Variants in SLC7A14 observed in about 807,000 individuals in gnomAD.
SLC7A14 encodes gamma-aminobutyric acid transporter SLC7A14.
SLC7A14 carries 37 observed loss-of-function variants against 60.2 expected under a neutral mutation model. The ratio of observed to expected loss-of-function variants is 0.61; its 90% CI spans 0.47 to 0.81. SLC7A14 has a LOEUF of 0.81. SLC7A14 is among the 30% of genes least tolerant of loss of function. The probability of loss-of-function intolerance (pLI) is 0.00; values close to 1 mark genes in which losing one functional copy is unlikely to be tolerated. For synonymous variants in SLC7A14, 399 were observed against 395.8 expected (o/e 1.01, Z -0.10); for missense variants, 886 against 982.7 (o/e 0.90, Z 1.32).
intron 7 of SLC7A14, among the ~76,000 whole-genome samples, chr3:170,472,547 C>T (rs971364074): frequency 1.3e-5 from 2 of 151,838 alleles, no homozygotes; most frequent in African/African-American, 4.8e-5. Flanking sequence ...GGGTGGATCA[C>T]GAGGTCAGGA....
chr3:170,539,898 A>G (rs766374186), intron 1 of SLC7A14, among the ~76,000 whole-genome samples: 4 of 152,214 alleles, frequency 2.6e-5, no homozygotes, highest in Non-Finnish European at 4.4e-5. Flanking sequence ...AACAACAATA[A>G]CTAATATTAA....
chr3:170,500,726 C>A (rs1393949485), intron 3 of SLC7A14, among the ~76,000 whole-genome samples: 1 of 152,010 alleles, frequency 6.6e-6, no homozygotes, highest in African/African-American at 2.4e-5. Context: ...TGGTTTGTAG[C>A]CTTTGACGTA....
At chr3:170,578,259 T>G (rs557359213) in intron 1 of SLC7A14, among the ~76,000 whole-genome samples, 112 of 152,356 alleles carry the variant, frequency 7.4e-4, no homozygotes, top group African/African-American at 2.6e-3. Flanking sequence ...CAATGCTGAA[T>G]CACGTAAACA....
chr3:170,483,151 C>G lies in SLC7A14; in HGVS notation c.1115+163G>C, dbSNP rs145385797. On this transcript the variant is annotated intron_variant, in intron 6 of 7. Coordinates refer to ENST00000231706, the MANE Select transcript of SLC7A14 (RefSeq NM_020949.3). ...AGTTAAACTAGGGGCTGCTTCAGGG[C>G]CTGAGCTCTGTTACTCAGACTTTTC... Among the ~76,000 whole-genome samples the G allele has an allele frequency of 2.5e-4, 38 of 152,174 alleles. No individual in the cohort carries two copies. The East Asian group carries it at 7.2e-3, about 29-fold the overall frequency.
intron 1 of SLC7A14, chr3:170,570,056 CT>C (rs1714903804): frequency 6.6e-6 from 1 of 152,078 alleles, no homozygotes; most frequent in Non-Finnish European, 1.5e-5. Flanking sequence ...TAAATTTATT[CT>C]ATTTTCTAAT....
At chr3:170,479,400 G>A (rs1560250642) in intron 7 of SLC7A14, among the ~76,000 whole-genome samples, 1 of 152,150 alleles carries the variant, frequency 6.6e-6, no homozygotes, top group African/African-American at 2.4e-5. Context: ...GTTCTTACTA[G>A]CATCAATCCC....
chr3:170,505,779 T>C (rs1413055575), intron 2 of SLC7A14, among the ~76,000 whole-genome samples: 3 of 151,972 alleles, frequency 2.0e-5, no homozygotes, highest in Non-Finnish European at 4.4e-5. Flanking sequence ...TCCCAGCTAC[T>C]CTGGAGGCTG....
chr3:170,520,338 A>G (rs6789822), intron 2 of SLC7A14, among the ~76,000 whole-genome samples: 4,657 of 152,338 alleles, frequency 0.031, 90 homozygotes, highest in Non-Finnish European at 0.048. Context: ...CAAAGTAGGT[A>G]CTCAATAAGT....
At chr3:170,545,120 T>C (rs1577551708) in intron 1 of SLC7A14, among the ~76,000 whole-genome samples, 1 of 152,034 alleles carries the variant, frequency 6.6e-6, no homozygotes, top group Admixed American at 6.6e-5. Flanking sequence ...AGCTGCAGAG[T>C]CTGCGCTTCA....
chr3:170,475,207 G>C (rs1711576517), intron 7 of SLC7A14, among the ~76,000 whole-genome samples: 2 of 152,206 alleles, frequency 1.3e-5, no homozygotes, highest in African/African-American at 4.8e-5. Flanking sequence ...TCTCTGAGTT[G>C]TGTTCTTCTG....
Position 170,483,466 on chromosome 3 carries a change from TG to T in SLC7A14, c.962del (p.Pro321HisfsTer17). ...VPYYTIDTES[P>X]LMEMFVAHGF... The stretch of plus-strand genomic sequence containing the variant: ...CATGAGCCACAAACATCTCCATGAG[TG>T]GGGATTCCGTGTCAATGGTATAATA... On this transcript the variant is annotated frameshift_variant, in exon 6 of 8. Coordinates refer to ENST00000231706, the MANE Select transcript of SLC7A14 (RefSeq NM_020949.3). LOFTEE classifies it high-confidence loss of function. 1 of 1,614,084 alleles carries T rather than the reference TG, an allele frequency of 6.2e-7. No homozygotes were observed. The highest frequency in any genetic ancestry group is 2.2e-5 in the East Asian group (1 of 44,872).
intron 4 of SLC7A14, chr3:170,496,135 T>C: frequency 1.0e-6 from 1 of 968,194 alleles, no homozygotes; most frequent in Non-Finnish European, 1.7e-6. Flanking sequence ...ATCCAGGAGC[T>C]GCAGTCCCAG....
chr3:170,576,934 G>A (rs138326739), intron 1 of SLC7A14, among the ~76,000 whole-genome samples: 2,754 of 152,238 alleles, frequency 0.018, 86 homozygotes, highest in African/African-American at 0.063. Flanking sequence ...CTCTCCTATT[G>A]TAAGTGCCAT....
At chr3:170,471,590 C>T (rs1318864149) in intron 7 of SLC7A14, among the ~76,000 whole-genome samples, 1 of 152,102 alleles carries the variant, frequency 6.6e-6, no homozygotes, top group East Asian at 1.9e-4. Flanking sequence ...AACTCTTCAC[C>T]TTATGAGGCT....
intron 1 of SLC7A14, among the ~76,000 whole-genome samples, chr3:170,579,011 TG>T (rs1235695008): frequency 3.9e-5 from 6 of 152,208 alleles, no homozygotes; most frequent in African/African-American, 1.4e-4. Flanking sequence ...TTCTTTCACC[TG>T]GAGGTACAAA....
At chr3:170,473,819 C>T (rs1020028512) in intron 7 of SLC7A14, among the ~76,000 whole-genome samples, 2 of 152,224 alleles carry the variant, frequency 1.3e-5, no homozygotes, top group African/African-American at 2.4e-5. Context: ...GACCCTGCAG[C>T]TGATCTAATG....
chr3:170,496,620 G>GT (rs1712405218), intron 4 of SLC7A14: 1 of 1,550,610 alleles, frequency 6.4e-7, no homozygotes, highest in Non-Finnish European at 8.9e-7. Flanking sequence ...GCTGCTGGAG[G>GT]GCGAGGAGAG....
chr3:170,497,919 C>T (rs1712461964), intron 4 of SLC7A14, among the ~76,000 whole-genome samples: 1 of 152,242 alleles, frequency 6.6e-6, no homozygotes, highest in South Asian at 2.1e-4. Flanking sequence ...TAGACCACAC[C>T]AGGTAAACCT....
At chr3:170,551,758 A>G (rs60426280) in intron 1 of SLC7A14, among the ~76,000 whole-genome samples, 3 of 152,170 alleles carry the variant, frequency 2.0e-5, no homozygotes, top group Non-Finnish European at 4.4e-5. Context: ...TTGTTGAGTC[A>G]TAAGATTCTT....
Sources: allele counts gnomAD v4.1 joint callset (sites outside exome capture counted in the v4.1 genomes callset), GRCh38; gene constraint gnomAD v4.1.1; transcripts MANE v1.5; gene names NCBI Gene and HGNC (gene_info 2026-07-23, HGNC 2026-07-21).